HECTD4: variants seen among roughly 807,000 people sequenced by gnomAD.
HECTD4 encodes HECT domain E3 ubiquitin protein ligase 4.
A neutral mutation model predicts 471.5 loss-of-function variants in HECTD4; 114 were observed. The ratio of observed to expected loss-of-function variants is 0.24; its 90% CI spans 0.21 to 0.28. The LOEUF (loss-of-function observed/expected upper bound fraction) is 0.28. Among genes scored for constraint, HECTD4 ranks in the 10% least tolerant of loss-of-function variants. The pLI is 1.00. For synonymous variants in HECTD4, 2,012 were observed against 2,256.0 expected (o/e 0.89, Z 3.07); for missense variants, 3,866 against 5,651.5 (o/e 0.68, Z 10.13).
chr12:112,212,561 A>G lies in HECTD4; in HGVS notation c.7555T>C (p.Cys2519Arg). The change falls in exon 49 of 76, where the codon TGC becomes CGC. Residue 2519 changes from cysteine (C) to arginine (R), a missense_variant. Cys to Arg is a radical substitution (Grantham distance 180, BLOSUM62 -3). This residue lies in a region of HECTD4 where 617 missense variants were observed against 915.1 expected (regional missense o/e 0.67). Transcript: ENST00000682272. ...AGATATGGTGAGAGGCGCTGCCCGCAGTATGTGAAGTACACCCGGCCCTTG... is the reference window on the plus strand; with the variant it reads ...AGATATGGTGAGAGGCGCTGCCCGCGGTATGTGAAGTACACCCGGCCCTTG... ...PAKGRVYFTY[C>R]GQRLSPYLED... 6.2e-7 allele frequency: 1 copy of G among 1,613,920 alleles called. No homozygotes were observed. Among genetic ancestry groups the G allele is most frequent in the East Asian group, 2.2e-5 (1 of 44,892 alleles).
At chr12:112,172,648 G>T (rs1347519082) in intron 67 of HECTD4, 23 bp downstream of exon 67, 1 of 1,609,078 alleles carries the variant, frequency 6.2e-7, no homozygotes, top group East Asian at 2.2e-5. Flanking sequence ...AGCAGGGGAG[G>T]GGATAGGCCC....
rs1389598316 is a variant in HECTD4 at position 112,194,785 on chromosome 12, C to T, written c.8749+100G>A. On this transcript the variant is annotated intron_variant, in intron 56 of 75. Transcript: ENST00000682272. The surrounding 1 kb of genome is among the most constrained non-coding windows in gnomAD (Gnocchi z 4.6). ...ATTTCTCACGTGAGCCTATGCGCAC[C>T]ATGAGGCATTTCTCGCCCTCATGCA... 2 of 1,109,114 alleles carry T rather than the reference C, an allele frequency of 1.8e-6. No individual in the cohort carries two copies. The highest frequency in any genetic ancestry group is 1.6e-5 in the African/African-American group (1 of 64,356). 68.7% of individuals were successfully genotyped at this position (1,109,114 alleles called of 1,614,324 possible). A position where few individuals can be genotyped will look rare whatever the true frequency, so the allele number is the denominator to read the frequency against.
chr12:112,165,166 G>A (rs1246164869), intron 72 of HECTD4, among the ~76,000 whole-genome samples: 1 of 150,010 alleles, frequency 6.7e-6, no homozygotes, highest in African/African-American at 2.5e-5. Flanking sequence ...TGATCTACCC[G>A]CCTCAGCCTC....
rs771593426 is a variant in HECTD4, at chr12:112,192,619, G to T, written c.9233C>A (p.Pro3078His). 1.2e-6 allele frequency: 2 copies of T among 1,609,822 alleles called. No individual in the cohort carries two copies. The highest frequency in any genetic ancestry group is 2.2e-5 in the East Asian group (1 of 44,806). ...CACAGAGGGGTACTGGTCAGCGGTG[G>T]GGGGAGGTGCAAGCCCAGTGTTGGC... ...SPANTGLAPP[P>H]TADQYPSVVL... is the part of the protein sequence containing the mutation. Residue 3078 changes from proline to histidine, a missense_variant, in exon 59 of 76, where the codon CCC becomes CAC. Pro to His is a moderately conservative substitution (Grantham distance 77). Around this residue, in one of 16 missense-constraint regions of HECTD4, gnomAD observed 364 missense variants for 413.2 expected, o/e 0.88. Coordinates refer to ENST00000682272, the MANE Select transcript of HECTD4 (RefSeq NM_001388303.1).
intron 55 of HECTD4, 82 bp downstream of exon 55, chr12:112,200,556 A>C (rs895300364): frequency 7.2e-7 from 1 of 1,392,354 alleles, no homozygotes; most frequent in African/African-American, 1.4e-5. Flanking sequence ...TTTCTTGCTG[A>C]GGATAAATGG....
intron 1 of HECTD4, chr12:112,322,991 G>A (rs74868054): frequency 0.013 from 2,296 of 178,686 alleles, 68 homozygotes; most frequent in African/African-American, 0.052. Flanking sequence ...AGAGAAAACA[G>A]CACAAACTGC....
rs1177156971 is a variant in HECTD4, at chr12:112,175,762, G to A, written c.11568C>T (p.Ser3856=). ...TCTCAAAGTGAAGATCGTAACCACA[G>A]GACAAGATCGCCCTCCAGACGCTAC... The part of the protein sequence containing the change: ...DIRSVWRAIL[S]CGYDLHFERC... Residue 3856 remains serine, a synonymous_variant, in exon 66 of 76, where the codon TCC becomes TCT. Coordinates refer to ENST00000682272, the MANE Select transcript of HECTD4 (RefSeq NM_001388303.1). 20 of 1,612,902 alleles carry A rather than the reference G, an allele frequency of 1.2e-5. No homozygotes were observed. Among genetic ancestry groups the A allele is most frequent in the Non-Finnish European group, 1.6e-5 (19 of 1,179,504 alleles).
At chr12:112,205,284 A>T (rs1337672317) in intron 52 of HECTD4, among the ~76,000 whole-genome samples, 1 of 151,668 alleles carries the variant, frequency 6.6e-6, no homozygotes, top group Non-Finnish European at 1.5e-5. Context: ...AAAAATACAA[A>T]TTAGCTGGGC....
Position 112,193,410 on chromosome 12 carries a change from T to C in HECTD4, c.8955+59A>G. The C allele has an allele frequency of 9.4e-6, 14 of 1,489,184 alleles. No homozygotes were observed. In the South Asian group the frequency reaches 1.7e-4, roughly 18 times the overall value. The allele number at this position is 1,489,184 out of a possible 1,614,324, so 92.2% of individuals were successfully genotyped here. Reference sequence around the variant, plus strand: ...AGGGGAGTCATTTTCAGCAAGCCAGTGAGACTCCCAGTTAAAAATGGTAAC... The same window carrying C: ...AGGGGAGTCATTTTCAGCAAGCCAGCGAGACTCCCAGTTAAAAATGGTAAC... On this transcript the variant is annotated intron_variant, in intron 57 of 75. Transcript: ENST00000682272. This position sits in a 1 kb window ranked among gnomAD's most constrained non-coding sequence, Gnocchi z 5.2.
intron 9 of HECTD4, among the ~76,000 whole-genome samples, chr12:112,276,439 T>A (rs2034528434): frequency 6.6e-6 from 1 of 151,870 alleles, no homozygotes; most frequent in Non-Finnish European, 1.5e-5. Context: ...AAAACCCAAT[T>A]TTTATTTTTG....
chr12:112,271,526 C>T (rs2034412609), intron 11 of HECTD4, among the ~76,000 whole-genome samples: 1 of 152,146 alleles, frequency 6.6e-6, no homozygotes, highest in Admixed American at 6.5e-5. Context: ...GTATTCTTCC[C>T]CCAATCCGTA....
chr12:112,357,574 A>G (rs1276494592), intron 1 of HECTD4, among the ~76,000 whole-genome samples: 9 of 152,214 alleles, frequency 5.9e-5, no homozygotes, highest in Non-Finnish European at 1.2e-4. Flanking sequence ...CAGTTCTCAC[A>G]AATTAGCCTC....
At position 112,185,786 on chromosome 12, in the gene HECTD4, T is replaced by C. The variant is rs116354017; in HGVS notation, c.9473-293A>G. On this transcript the variant is annotated intron_variant, in intron 60 of 75. Coordinates refer to ENST00000682272, the MANE Select transcript of HECTD4 (RefSeq NM_001388303.1). ...GCCAGCAAAACACCATCATATTTTG[T>C]CTCAAAAGGTTATGCAGCATGTTGG... Among the ~76,000 whole-genome samples, 1,128 of 152,328 alleles carry C rather than the reference T, an allele frequency of 7.4e-3. 12 individuals carry two copies. The highest frequency in any genetic ancestry group is 0.026 in the African/African-American group (1,089 of 41,576).
At chr12:112,200,884 CGTGTGTGTGT>C (rs3835014) in intron 54 of HECTD4, 86 bp from the exon 55 acceptor site, 25 of 698,740 alleles carry the variant, frequency 3.6e-5, no homozygotes, top group Middle Eastern at 7.0e-4. Context: ...TGCGTGCGTG[CGTGTGTGTGT>C]GTGTGTGTGT....
Position 112,184,820 on chromosome 12 carries a change from G to C in HECTD4, c.10146C>G (p.Ile3382Met), listed in dbSNP as rs562032360. 1 of 1,609,444 alleles carries C rather than the reference G, an allele frequency of 6.2e-7. No individual in the cohort carries two copies. The highest frequency in any genetic ancestry group is 8.5e-7 in the Non-Finnish European group (1 of 1,176,974). ...CCACCAGGGCCTGGCAGGCATCGGC[G>C]ATGGCGTCACTCGTCACGCCCAGCC... ...PQGLGVTSDA[I>M]ADACQALVGP... Residue 3382 changes from isoleucine (I) to methionine (M), a missense_variant, in exon 61 of 76, where the codon ATC becomes ATG. Transcript: ENST00000682272. This position sits in a 1 kb window ranked among gnomAD's most constrained non-coding sequence, Gnocchi z 9.1.
chr12:112,167,603 G>T, intron 71 of HECTD4, 65 bp from the exon 72 acceptor site: 1 of 1,318,170 alleles, frequency 7.6e-7, no homozygotes, highest in Non-Finnish European at 1.0e-6. Context: ...GGGAACATGT[G>T]TTTCAAGCCA....
At chr12:112,315,414 T>C (rs1384004898) in intron 2 of HECTD4, among the ~76,000 whole-genome samples, 1 of 152,082 alleles carries the variant, frequency 6.6e-6, no homozygotes, top group Non-Finnish European at 1.5e-5. Context: ...CCTTTCACTA[T>C]CTCTAGTTTC....
chr12:112,192,965 A>G, intron 58 of HECTD4, 96 bp downstream of exon 58: 1 of 1,451,416 alleles, frequency 6.9e-7, no homozygotes, highest in East Asian at 2.3e-5. Context: ...TGCATTAAAG[A>G]ATCAGTGATT....
chr12:112,338,623 AAAAGAAAG>A (rs549731509), intron 1 of HECTD4, among the ~76,000 whole-genome samples: 5 of 152,116 alleles, frequency 3.3e-5, no homozygotes, highest in South Asian at 2.1e-4. Flanking sequence ...CTATCTCAAA[AAAAGAAAG>A]AAAGAAAGAA....
Sources: gnomAD v4.1 joint callset for allele counts (sites outside exome capture counted in the v4.1 genomes callset) on GRCh38, gnomAD v4.1.1 for gene constraint, gnomAD v4.1.1 regional missense constraint, Gnocchi (gnomAD v3.1) non-coding constraint, MANE v1.5 for transcripts, NCBI Gene and HGNC (gene_info 2026-07-23, HGNC 2026-07-21) for gene names.